GAS2: variants seen among roughly 807,000 people sequenced by gnomAD.
GAS2 encodes growth arrest specific 2, also known as growth arrest-specific protein 2.
Under a neutral mutation model 37.5 loss-of-function variants are expected in GAS2, and 20 were observed. The ratio of observed to expected loss-of-function variants is 0.53; its 90% confidence interval spans 0.37 to 0.77. The LOEUF (loss-of-function observed/expected upper bound fraction) is 0.77, where lower values mean the gene tolerates loss of function less well. GAS2 is among the 30% of genes least tolerant of loss of function. GAS2 has a pLI of 0.00. For missense variants in GAS2, 336 were observed against 373.4 expected, an observed-to-expected ratio of 0.90 and a Z score of 0.82; for synonymous variants, 144 against 132.2, an observed-to-expected ratio of 1.09 and a Z score of -0.61.
At chr11:22,629,229 C>G (rs1180611576) in intron 1 of GAS2, among the ~76,000 whole-genome samples, 1 of 152,130 alleles carries the variant, frequency 6.6e-6, no homozygotes, top group Non-Finnish European at 1.5e-5. Flanking sequence ...ACATTTAGTT[C>G]TTTGAGACGT....
At chr11:22,648,550 C>T (rs1478562443) in intron 1 of GAS2, among the ~76,000 whole-genome samples, 1 of 152,150 alleles carries the variant, frequency 6.6e-6, no homozygotes, top group Non-Finnish European at 1.5e-5. Flanking sequence ...TTCTTCCTAC[C>T]CATGAGCATG....
Position 22,666,729 on chromosome 11 carries a change from G to C in GAS2, c.-191G>C, listed in dbSNP as rs1239929192. ...AAAGGAGCCATCAGAGAAGTATGAA[G>C]AGGGGTAGTGCGGCTGTAGCTGCTG... On this transcript the variant is annotated 5_prime_UTR_variant, in exon 1 of 8. Transcript: ENST00000454584. 6.6e-6 allele frequency: 1 copy of C among 152,458 alleles called. No homozygotes were observed. The highest frequency in any genetic ancestry group is 1.5e-5 in the Non-Finnish European group (1 of 68,214). The allele number at this position is 152,458 out of a possible 1,614,324, so 9.4% of individuals were successfully genotyped here.
At chr11:22,671,640 A>G (rs1352034390) in intron 1 of GAS2, among the ~76,000 whole-genome samples, 2 of 152,120 alleles carry the variant, frequency 1.3e-5, no homozygotes, top group African/African-American at 4.8e-5. Context: ...ATTCAAGAGA[A>G]CTGAAATGAT....
intron 7 of GAS2, among the ~76,000 whole-genome samples, chr11:22,788,956 C>T (rs921098125): frequency 6.6e-6 from 1 of 151,872 alleles, no homozygotes; most frequent in Admixed American, 6.6e-5. Flanking sequence ...GGTAATTACT[C>T]AGTAATTATT....
intron 3 of GAS2, among the ~76,000 whole-genome samples, chr11:22,714,238 C>A (rs907909592): frequency 6.6e-6 from 1 of 151,910 alleles, no homozygotes; most frequent in African/African-American, 2.4e-5. Context: ...TTATATCAGA[C>A]AAAACAGACT....
chr11:22,646,168 C>T (rs544868770), intron 1 of GAS2, among the ~76,000 whole-genome samples: 134 of 152,242 alleles, frequency 8.8e-4, no homozygotes, highest in Middle Eastern at 3.4e-3. Context: ...CTGTCTTCTG[C>T]TCAACCAGGA....
chr11:22,631,422 A>C (rs1858743585), intron 1 of GAS2, among the ~76,000 whole-genome samples: 1 of 152,078 alleles, frequency 6.6e-6, no homozygotes, highest in South Asian at 2.1e-4. Flanking sequence ...TCCAATTCTT[A>C]GGGGGAATGC....
intron 3 of GAS2, among the ~76,000 whole-genome samples, chr11:22,708,154 C>T (rs1851215593): frequency 6.6e-6 from 1 of 152,026 alleles, no homozygotes; most frequent in Non-Finnish European, 1.5e-5. Context: ...CAATTTGAGA[C>T]AATATGATGA....
chr11:22,738,239 G>T (rs1283942635), intron 5 of GAS2, among the ~76,000 whole-genome samples: 1 of 152,106 alleles, frequency 6.6e-6, no homozygotes, highest in Non-Finnish European at 1.5e-5. Flanking sequence ...TAGGATGATA[G>T]TTTTAAAATT....
intron 3 of GAS2, 111 bp from the exon 4 acceptor site, chr11:22,726,181 T>C: frequency 1.9e-6 from 2 of 1,053,158 alleles, no homozygotes; most frequent in South Asian, 3.2e-5. Context: ...TTTGCAAACC[T>C]ACTTATTGGC....
At chr11:22,779,930 T>A (rs919994524) in intron 7 of GAS2, among the ~76,000 whole-genome samples, 2 of 152,218 alleles carry the variant, frequency 1.3e-5, no homozygotes, top group African/African-American at 4.8e-5. Context: ...CACCCTGTAA[T>A]TTTCTTTCAT....
At position 22,749,223 on chromosome 11, in the gene GAS2, T is replaced by C. The variant is rs202071606; in HGVS notation, c.577T>C (p.Ser193Pro). The C allele has an allele frequency of 2.5e-6, 4 of 1,612,252 alleles. No homozygotes were observed. Among genetic ancestry groups the C allele is most frequent in the East Asian group, 2.2e-5 (1 of 44,786 alleles). The change falls in exon 6 of 8, where the codon TCT (serine) becomes CCT (proline). Residue 193 changes from serine to proline, a missense_variant. Physicochemically the swap from Ser to Pro is moderately conservative, Grantham distance 74. Coordinates refer to ENST00000454584, the MANE Select transcript of GAS2 (RefSeq NM_001143830.3). ...SPSPSPSSKSSGKKSTGNLLD... is the reference protein window; with the variant it reads ...SPSPSPSSKSPGKKSTGNLLD... ...TTCACCTTCTCCTTCATCAAAGTCTTCTGGAAAAAAGAGTACAGGAAACTT... is the reference window on the plus strand; with the variant it reads ...TTCACCTTCTCCTTCATCAAAGTCTCCTGGAAAAAAGAGTACAGGAAACTT...
chr11:22,689,658 G>A (rs61889444), intron 3 of GAS2, among the ~76,000 whole-genome samples: 14,557 of 152,202 alleles, frequency 0.096, 972 homozygotes, highest in Non-Finnish European at 0.15. Flanking sequence ...GAGATTGTAA[G>A]CATGTTGATG....
intron 7 of GAS2, among the ~76,000 whole-genome samples, chr11:22,796,623 A>T (rs940535003): frequency 6.6e-6 from 1 of 152,154 alleles, no homozygotes; most frequent in African/African-American, 2.4e-5. Flanking sequence ...CTAAAGATAC[A>T]TTAAAACCAG....
chr11:22,807,404 G>A (rs1322815477), intron 7 of GAS2, among the ~76,000 whole-genome samples: 1 of 152,206 alleles, frequency 6.6e-6, no homozygotes, highest in Non-Finnish European at 1.5e-5. Context: ...TTTAAAGGAA[G>A]TTGCATCTGT....
At chr11:22,784,837 T>C (rs970544685) in intron 7 of GAS2, among the ~76,000 whole-genome samples, 3 of 152,278 alleles carry the variant, frequency 2.0e-5, no homozygotes, top group Admixed American at 2.0e-4. Flanking sequence ...TCTCTCTTTC[T>C]ACCTGGTTTC....
chr11:22,754,608 CT>C (rs538022570), intron 6 of GAS2, among the ~76,000 whole-genome samples: 3,185 of 149,932 alleles, frequency 0.021, 114 homozygotes, highest in African/African-American at 0.069. Context: ...GGTTTTTTTC[CT>C]TTTTTTTTGG....
chr11:22,765,268 A>AAT (rs1055836753), intron 7 of GAS2, among the ~76,000 whole-genome samples: 35 of 152,300 alleles, frequency 2.3e-4, no homozygotes, highest in African/African-American at 8.2e-4. Context: ...TATATACAGA[A>AAT]ATATATGTGT....
rs967939728 is a variant in GAS2, at chr11:22,813,001, A to G, written c.*985A>G. 1 of 152,592 alleles carries G rather than the reference A, an allele frequency of 6.6e-6. No homozygotes were observed. Among genetic ancestry groups the G allele is most frequent in the Non-Finnish European group, 1.5e-5 (1 of 68,002 alleles). The allele number at this position is 152,592 out of a possible 1,614,324, so 9.5% of individuals were successfully genotyped here. A position where few individuals can be genotyped will look rare whatever the true frequency, so the allele number is the denominator to read the frequency against. On this transcript the variant is annotated 3_prime_UTR_variant, in exon 8 of 8. Coordinates refer to ENST00000454584, the MANE Select transcript of GAS2 (RefSeq NM_001143830.3). ...TAAAAGGATAAATTTTAAAAATGTTATCTGTCTCTAAATCAATGCCTCATT... is the reference window on the plus strand; with the variant it reads ...TAAAAGGATAAATTTTAAAAATGTTGTCTGTCTCTAAATCAATGCCTCATT...
Sources: gnomAD v4.1 joint callset for allele counts (sites outside exome capture counted in the v4.1 genomes callset) on GRCh38, gnomAD v4.1.1 for gene constraint, MANE v1.5 for transcripts, NCBI Gene and HGNC (gene_info 2026-07-23, HGNC 2026-07-21) for gene names.